Variants in TXLNB observed in about 807,000 individuals in gnomAD.
TXLNB encodes the protein beta-taxilin.
In TXLNB, 37 loss-of-function variants were observed where a neutral mutation model predicts 57.4. The ratio of observed to expected loss-of-function variants is 0.64; its 90% CI spans 0.50 to 0.85. The LOEUF (loss-of-function observed/expected upper bound fraction) is 0.85. TXLNB is among the 40% of genes least tolerant of loss of function. TXLNB has a pLI of 0.00. For synonymous variants in TXLNB, 302 were observed against 309.6 expected (o/e 0.98, Z 0.26); for missense variants, 848 against 825.6 (o/e 1.03, Z -0.33).
chr6:139,252,489 T>G (rs1056530337), intron 7 of TXLNB, among the ~76,000 whole-genome samples: 1 of 152,150 alleles, frequency 6.6e-6, no homozygotes, highest in Non-Finnish European at 1.5e-5. Flanking sequence ...AAAGGTAACT[T>G]GGAGACAAAA....
chr6:139,209,055 A>G, the TXLNB span, among the ~76,000 whole-genome samples: 2 of 152,216 alleles, frequency 1.3e-5, no homozygotes, highest in African/African-American at 4.8e-5. Flanking sequence ...AGACTCATTC[A>G]AAAAGCTCCT....
chr6:139,251,030 T>C (rs1776192361), intron 7 of TXLNB, among the ~76,000 whole-genome samples: 1 of 152,220 alleles, frequency 6.6e-6, no homozygotes, highest in African/African-American at 2.4e-5. Context: ...TTTTGTTTCC[T>C]TTTCTTATGT....
In TXLNB at chr6:139,243,209, T is replaced by A. The variant is rs1214825472; in HGVS notation, c.1372A>T (p.Ile458Phe). Residue 458 changes from isoleucine to phenylalanine, a missense_variant, in exon 10 of 10, where the codon ATC becomes TTC. Physicochemically the swap from Ile to Phe is conservative, Grantham distance 21 (BLOSUM62 0). Transcript: ENST00000358430. Reference protein sequence around the residue: ...QEERNELHKKIRDAEISEKDD... With the variant: ...QEERNELHKKFRDAEISEKDD... ...TTTTCAGATATTTCTGCGTCTCTGATTTTTTTGTGGAGTTCGTTTCTCTCT... is the reference window on the plus strand; with the variant it reads ...TTTTCAGATATTTCTGCGTCTCTGAATTTTTTGTGGAGTTCGTTTCTCTCT... The A allele has an allele frequency of 6.2e-7, 1 of 1,614,176 alleles. No homozygotes were observed. The highest frequency in any genetic ancestry group is 1.1e-5 in the South Asian group (1 of 91,078).
chr6:139,260,491 A>G (rs537371298), intron 5 of TXLNB, 54 bp from the exon 6 acceptor site: 74 of 1,574,770 alleles, frequency 4.7e-5, no homozygotes, highest in Admixed American at 4.5e-4. Flanking sequence ...GTGCTTAAAA[A>G]TGCAAAGTAA....
chr6:139,183,574 C>G, the TXLNB span: 4 of 152,132 alleles, frequency 2.6e-5, no homozygotes, highest in Admixed American at 2.0e-4. Context: ...CTTAGACTCT[C>G]TGTAAAGGAA....
the TXLNB span, chr6:139,166,669 G>A: frequency 9.2e-5 from 149 of 1,613,712 alleles, 1 homozygote; most frequent in South Asian, 1.5e-3. Context: ...GTGAGGCGGC[G>A]GAGGAGGCAA....
At chr6:139,253,724 G>A (rs1403408751) in intron 7 of TXLNB, among the ~76,000 whole-genome samples, 1 of 152,104 alleles carries the variant, frequency 6.6e-6, no homozygotes, top group Non-Finnish European at 1.5e-5. Flanking sequence ...GTCATTAAAG[G>A]CCTCGATTCT....
the TXLNB span, among the ~76,000 whole-genome samples, chr6:139,228,582 C>T: frequency 9.3e-5 from 14 of 151,292 alleles, no homozygotes; most frequent in African/African-American, 3.4e-4. Context: ...CAACATGTTC[C>T]AGGGGCTGAA....
At chr6:139,316,904 G>A in the TXLNB span, among the ~76,000 whole-genome samples, 1 of 152,164 alleles carries the variant, frequency 6.6e-6, no homozygotes, top group Non-Finnish European at 1.5e-5. Context: ...GGCTGGGGAG[G>A]CAAAGGTTGG....
downstream of TXLNB, among the ~76,000 whole-genome samples, chr6:139,239,873 C>T (rs903424009): frequency 7.1e-6 from 1 of 140,914 alleles, no homozygotes. This position sits in a 1 kb window ranked among gnomAD's most constrained non-coding sequence, Gnocchi z 4.7. Context: ...CTGTCACATA[C>T]ACACACACAC....
chr6:139,198,190 T>C, the TXLNB span, among the ~76,000 whole-genome samples: 2 of 151,540 alleles, frequency 1.3e-5, no homozygotes, highest in East Asian at 1.9e-4. Context: ...TCAATATCCA[T>C]TGTACTTTTT....
the TXLNB span, among the ~76,000 whole-genome samples, chr6:139,193,649 ATCT>A: frequency 7.9e-6 from 1 of 127,120 alleles, no homozygotes; most frequent in Non-Finnish European, 1.7e-5. Context: ...CATATGTCAC[ATCT>A]TCTCACTTTT....
At chr6:139,219,327 C>G in the TXLNB span, among the ~76,000 whole-genome samples, 2 of 152,216 alleles carry the variant, frequency 1.3e-5, no homozygotes, top group Non-Finnish European at 2.9e-5. Context: ...GATTTAGTGA[C>G]AAGCAGGCCT....
At chr6:139,264,542 T>TA (rs1776565456) in intron 4 of TXLNB, among the ~76,000 whole-genome samples, 1 of 149,716 alleles carries the variant, frequency 6.7e-6, no homozygotes, top group African/African-American at 2.5e-5. Context: ...TATATATATA[T>TA]TTTTTGTTTT....
chr6:139,196,162 T>C, the TXLNB span, among the ~76,000 whole-genome samples: 5 of 152,122 alleles, frequency 3.3e-5, no homozygotes, highest in African/African-American at 1.2e-4. Context: ...TAATCTTAAA[T>C]GCTCCAATTA....
intron 2 of TXLNB, among the ~76,000 whole-genome samples, chr6:139,277,410 C>T (rs182401169): frequency 1.7e-3 from 260 of 152,252 alleles, no homozygotes; most frequent in Non-Finnish European, 2.3e-3. Flanking sequence ...AGTAGCCTGC[C>T]CGTTTTTTCC....
the TXLNB span, among the ~76,000 whole-genome samples, chr6:139,190,724 C>T: frequency 2.6e-5 from 4 of 152,180 alleles, no homozygotes; most frequent in African/African-American, 9.7e-5. Context: ...AGATCAGAAT[C>T]CTGATAATCT....
chr6:139,200,768 T>G, the TXLNB span, among the ~76,000 whole-genome samples: 1 of 152,166 alleles, frequency 6.6e-6, no homozygotes, highest in African/African-American at 2.4e-5. Context: ...CAGCCTAAAT[T>G]TCATGACCTA....
the TXLNB span, among the ~76,000 whole-genome samples, chr6:139,204,694 G>C: frequency 1.3e-5 from 2 of 152,166 alleles, no homozygotes; most frequent in Non-Finnish European, 2.9e-5. Context: ...TGCTTTCTCA[G>C]TGCAGAAGCT....
Sources: allele counts gnomAD v4.1 joint callset (sites outside exome capture counted in the v4.1 genomes callset), GRCh38; gene constraint gnomAD v4.1.1; non-coding constraint Gnocchi (gnomAD v3.1); transcripts MANE v1.5; gene names NCBI Gene and HGNC (gene_info 2026-07-23, HGNC 2026-07-21).